GABRB1: variants seen among roughly 807,000 people sequenced by gnomAD.
GABRB1 encodes the protein gamma-aminobutyric acid type A receptor subunit beta1.
Under a neutral mutation model 51.6 loss-of-function variants are expected in GABRB1, and 17 were observed. The observed-to-expected ratio is 0.33, with a 90% CI of 0.23 to 0.49. The LOEUF is 0.49. Ranked by LOEUF, GABRB1 falls within the 20% of genes least tolerant of loss-of-function variation. The pLI, the probability that GABRB1 is intolerant of heterozygous loss-of-function variation, is 0.99. For synonymous variants in GABRB1, 247 were observed against 218.9 expected (o/e 1.13, Z -1.14); for missense variants, 410 against 600.6 (o/e 0.68, Z 3.32).
At chr4:47,058,502 G>T (rs1726712845) in intron 3 of GABRB1, among the ~76,000 whole-genome samples, 1 of 152,152 alleles carries the variant, frequency 6.6e-6, no homozygotes, top group Non-Finnish European at 1.5e-5. Context: ...TCACTAGAGG[G>T]ACTCTCAAAA....
intron 3 of GABRB1, among the ~76,000 whole-genome samples, chr4:47,147,754 G>T (rs1717238231): frequency 6.6e-6 from 1 of 152,178 alleles, no homozygotes; most frequent in African/African-American, 2.4e-5. Context: ...GGAGGAATGG[G>T]TGTTCCAGAC....
At chr4:47,273,721 A>G (rs1461908041) in intron 4 of GABRB1, among the ~76,000 whole-genome samples, 2 of 152,116 alleles carry the variant, frequency 1.3e-5, no homozygotes, top group Non-Finnish European at 2.9e-5. Flanking sequence ...GAGTCACACA[A>G]TTGAAAAAAT....
At chr4:47,212,871 T>C (rs1351685029) in intron 4 of GABRB1, among the ~76,000 whole-genome samples, 1 of 152,138 alleles carries the variant, frequency 6.6e-6, no homozygotes, top group Non-Finnish European at 1.5e-5. Flanking sequence ...GAACCTGCAG[T>C]GGCAAAAGAC....
intron 4 of GABRB1, among the ~76,000 whole-genome samples, chr4:47,307,405 C>T (rs572746454): frequency 1.3e-5 from 2 of 151,942 alleles, no homozygotes; most frequent in Non-Finnish European, 2.9e-5. Flanking sequence ...ATCTGGAGTG[C>T]TCAATTATTA....
intron 5 of GABRB1, among the ~76,000 whole-genome samples, chr4:47,331,204 G>A: frequency 6.6e-6 from 1 of 152,052 alleles, no homozygotes; most frequent in East Asian, 1.9e-4. Flanking sequence ...TTTAGTGCCT[G>A]TAGCTTTTTT....
chr4:47,011,632 T>C (rs1724583918), intron 1 of GABRB1, among the ~76,000 whole-genome samples: 1 of 152,164 alleles, frequency 6.6e-6, no homozygotes, highest in South Asian at 2.1e-4. Flanking sequence ...GTACATGAGT[T>C]TGATTAAGCC....
upstream of GABRB1, among the ~76,000 whole-genome samples, chr4:47,027,816 T>A (rs28438881): frequency 0.56 from 85,163 of 151,376 alleles, 24,284 homozygotes; most frequent in East Asian, 0.66. Flanking sequence ...TTCATACTTT[T>A]CTAACAATGA....
intron 1 of GABRB1, among the ~76,000 whole-genome samples, chr4:47,008,958 G>C (rs1724503670): frequency 7.2e-6 from 1 of 138,360 alleles, no homozygotes; most frequent in Non-Finnish European, 1.5e-5. Context: ...CCTCCTCCCG[G>C]GTTCATGCCA....
At chr4:47,130,085 A>C (rs934088956) in intron 3 of GABRB1, among the ~76,000 whole-genome samples, 2 of 152,144 alleles carry the variant, frequency 1.3e-5, no homozygotes, top group African/African-American at 4.8e-5. Context: ...ATTTCTGGCA[A>C]TAATGTACTA....
intron 4 of GABRB1, among the ~76,000 whole-genome samples, chr4:47,195,987 C>G (rs1339573446): frequency 1.3e-5 from 2 of 152,208 alleles, no homozygotes; most frequent in Non-Finnish European, 2.9e-5. Flanking sequence ...GCTAGACATT[C>G]CTGCTTGTGT....
intron 4 of GABRB1, among the ~76,000 whole-genome samples, chr4:47,176,558 G>C (rs1303090095): frequency 6.6e-6 from 1 of 152,090 alleles, no homozygotes; most frequent in Non-Finnish European, 1.5e-5. Context: ...TAAGTGGAGA[G>C]GTTGATTGGC....
At chr4:47,238,836 T>A (rs971716279) in intron 4 of GABRB1, among the ~76,000 whole-genome samples, 9 of 152,294 alleles carry the variant, frequency 5.9e-5, no homozygotes, top group Admixed American at 6.5e-5. Flanking sequence ...AATATACATA[T>A]TAAATAAATA....
chr4:47,180,859 C>T (rs1456497256), intron 4 of GABRB1, among the ~76,000 whole-genome samples: 1 of 151,972 alleles, frequency 6.6e-6, no homozygotes, highest in Non-Finnish European at 1.5e-5. Context: ...TTACAGATAA[C>T]TTTGGCAGTT....
chr4:47,064,553 G>A (rs916743107), intron 3 of GABRB1, among the ~76,000 whole-genome samples: 1 of 147,766 alleles, frequency 6.8e-6, no homozygotes, highest in Non-Finnish European at 1.5e-5. Flanking sequence ...CTGCAGAATC[G>A]CTTGAACCAG....
intron 1 of GABRB1, among the ~76,000 whole-genome samples, chr4:46,994,597 A>T (rs1371723684): frequency 6.6e-6 from 1 of 152,048 alleles, no homozygotes; most frequent in East Asian, 1.9e-4. Flanking sequence ...GACAAATATT[A>T]GTTCCCTTGT....
At chr4:47,410,522 G>C (rs1728726984) in intron 8 of GABRB1, among the ~76,000 whole-genome samples, 1 of 152,174 alleles carries the variant, frequency 6.6e-6, no homozygotes. Flanking sequence ...AACTGAAGTT[G>C]TATTGACCTG....
chr4:47,175,712 G>C (rs1053228586), intron 4 of GABRB1, among the ~76,000 whole-genome samples: 19 of 152,162 alleles, frequency 1.2e-4, no homozygotes, highest in African/African-American at 3.6e-4. Flanking sequence ...TATGTGTGCA[G>C]TATTATGGAT....
chr4:47,346,338 G>A (rs966235105), intron 5 of GABRB1, among the ~76,000 whole-genome samples: 3 of 152,142 alleles, frequency 2.0e-5, no homozygotes, highest in South Asian at 2.1e-4. Context: ...TGAAAAAGTC[G>A]ATTTGTCAGC....
At chr4:47,283,356 C>CCTTTTTTTTTTTTTTTTTTTTTT in intron 4 of GABRB1, among the ~76,000 whole-genome samples, 1 of 77,280 alleles carries the variant, frequency 1.3e-5, no homozygotes, top group African/African-American at 5.1e-5. Flanking sequence ...CTGGTGGCCC[C>CCTTTTTTTTTTTTTTTTTTTTTT]TTTTTTTTTT....
Sources: allele counts gnomAD v4.1 joint callset (sites outside exome capture counted in the v4.1 genomes callset), GRCh38; gene constraint gnomAD v4.1.1; transcripts MANE v1.5; gene names NCBI Gene and HGNC (gene_info 2026-07-23, HGNC 2026-07-21).